The following SIGLEC1 variants were observed in gnomAD, a reference collection of about 807,000 sequenced individuals.
SIGLEC1 encodes sialoadhesin.
SIGLEC1 carries 132 observed loss-of-function variants against 148.0 expected under a neutral mutation model. The ratio of observed to expected loss-of-function variants is 0.89; its 90% CI spans 0.77 to 1.03. The LOEUF is 1.03. Among genes scored for constraint, SIGLEC1 ranks in the 50% least tolerant of loss-of-function variants. The probability of loss-of-function intolerance (pLI) is 0.00; values close to 1 mark genes in which losing one functional copy is unlikely to be tolerated. For missense variants in SIGLEC1, 2,253 were observed against 2,271.4 expected, an observed-to-expected ratio of 0.99 and a Z score of 0.16; for synonymous variants, 945 against 969.0, an observed-to-expected ratio of 0.98 and a Z score of 0.46.
At position 3,693,671 on chromosome 20, in the gene SIGLEC1, GC is replaced by G; in HGVS notation, c.3283del (p.Ala1095LeufsTer9). 1 of 1,599,856 alleles carries G rather than the reference GC, an allele frequency of 6.3e-7. No individual in the cohort carries two copies. The highest frequency in any genetic ancestry group is 8.5e-7 in the Non-Finnish European group (1 of 1,172,642). ...CACCAGCTGCCCCTCCCGCACGGTA[GC>G]CCCGGGCCACACCTGCACATTCACA... ...QAVNVQVWPG[A>X]TVREGQLVNL... On this transcript the variant is annotated frameshift_variant, in exon 14 of 22. Transcript: ENST00000344754. LOFTEE classifies it high-confidence loss of function.
intron 1 of SIGLEC1, among the ~76,000 whole-genome samples, chr20:3,711,449 G>T (rs138770658): frequency 6.6e-6 from 1 of 152,146 alleles, no homozygotes; most frequent in Non-Finnish European, 1.5e-5. Context: ...GGGAAGAAAG[G>T]GCAGAGGCAG....
rs2087819790 is a variant in SIGLEC1, at chr20:3,698,056, G to A, written c.1864C>T (p.Leu622Phe). The change falls in exon 9 of 22, where the codon CTT (leucine) becomes TTT (phenylalanine). Residue 622 changes from leucine to phenylalanine, a missense_variant. Coordinates refer to ENST00000344754, the MANE Select transcript of SIGLEC1 (RefSeq NM_023068.4). ...AGAGAGRRGLLLCRVDSDPPA... is the reference protein window; with the variant it reads ...AGAGAGRRGLFLCRVDSDPPA... ...GGGTCGCTGTCCACACGGCACAAAAGGAGGCCTCGCCGTCCAGCCCCGGCC... is the reference window on the plus strand; with the variant it reads ...GGGTCGCTGTCCACACGGCACAAAAAGAGGCCTCGCCGTCCAGCCCCGGCC... 1.2e-6 allele frequency: 2 copies of A among 1,608,580 alleles called. No individual in the cohort carries two copies. Among genetic ancestry groups the A allele is most frequent in the South Asian group, 1.1e-5 (1 of 90,520 alleles).
chr20:3,695,092 G>A (rs1018726125), intron 11 of SIGLEC1, among the ~76,000 whole-genome samples, 169 bp from the exon 12 acceptor site: 1 of 152,118 alleles, frequency 6.6e-6, no homozygotes, highest in African/African-American at 2.4e-5. Context: ...GGCCCCTCCT[G>A]CTCCCCACTC....
intron 8 of SIGLEC1, among the ~76,000 whole-genome samples, chr20:3,698,511 C>T (rs1006735805): frequency 6.6e-5 from 10 of 152,244 alleles, no homozygotes; most frequent in Admixed American, 2.6e-4. Context: ...CAATGCCTTA[C>T]CACGGAGCCT....
intron 5 of SIGLEC1, 21 bp downstream of exon 5, chr20:3,703,804 G>T (rs765831723): frequency 6.2e-7 from 1 of 1,613,104 alleles, no homozygotes; most frequent in East Asian, 2.2e-5. Context: ...TGGCCAATAC[G>T]CAACCTTCCC....
chr20:3,693,541 G>A lies in SIGLEC1; in HGVS notation c.3414C>T (p.Asn1138=), dbSNP rs370748828. 3.4e-5 allele frequency: 55 copies of A among 1,612,364 alleles called. No individual in the cohort carries two copies. The highest frequency in any genetic ancestry group is 5.5e-5 in the South Asian group (5 of 90,846). The change falls in exon 14 of 22, where the codon AAC becomes AAT. Residue 1138 remains asparagine, a synonymous_variant. Transcript: ENST00000344754. ...RLDAHSIPLP[N]VTVRDATSYR... ...AGGAGGTGGCATCCCTGACTGTGAC[G>A]TTGGGCAGGGGGATGGAGTGGGCAT...
At position 3,694,174 on chromosome 20, in the gene SIGLEC1, GACACAC is replaced by G. The variant is rs59383643; in HGVS notation, c.3256+41_3256+46del. The G allele has an allele frequency of 8.7e-3, 10,103 of 1,162,680 alleles. 127 individuals are homozygous for G. The highest frequency in any genetic ancestry group is 0.083 in the African/African-American group (5,409 of 64,980). The allele number at this position is 1,162,680 out of a possible 1,614,324, so 72.0% of individuals were successfully genotyped here. On this transcript the variant is annotated intron_variant, in intron 13 of 21. Coordinates refer to ENST00000344754, the MANE Select transcript of SIGLEC1 (RefSeq NM_023068.4). ...TCCCACCTCCTCTCCTCTTTTAAAG[GACACAC>G]ACACACACACACACACACACACACA...
intron 13 of SIGLEC1, among the ~76,000 whole-genome samples, 198 bp downstream of exon 13, chr20:3,694,023 T>C (rs1468743915): frequency 5.3e-5 from 8 of 152,180 alleles, no homozygotes; most frequent in Non-Finnish European, 1.2e-4. Context: ...TTTTATCCAC[T>C]GGGCATACTT....
At chr20:3,694,109 A>G in intron 13 of SIGLEC1, 112 bp downstream of exon 13, 1 of 1,162,332 alleles carries the variant, frequency 8.6e-7, no homozygotes, top group Non-Finnish European at 1.2e-6. Flanking sequence ...AAGGGTGGGA[A>G]TGGGGACTAT....
In SIGLEC1 at chr20:3,690,212, GAGGCCACCCTC is replaced by G; in HGVS notation, c.4633_4643del (p.Glu1545ProfsTer124). 6.4e-7 allele frequency: 1 copy of G among 1,556,664 alleles called. No homozygotes were observed. The highest frequency in any genetic ancestry group is 1.2e-5 in the South Asian group (1 of 84,536). On this transcript the variant is annotated frameshift_variant, in exon 19 of 22. Transcript: ENST00000344754. LOFTEE classifies it high-confidence loss of function. The stretch of plus-strand genomic sequence containing the variant: ...CCACTCGGCAATCCAGGATGCCCCG[GAGGCCACCCTC>G]AGGCTCCACGAAGACCATCATGGTG...
rs1244882764 is a variant in SIGLEC1, at chr20:3,712,494, C to T, written c.-134G>A. On this transcript the variant is annotated 5_prime_UTR_variant, in exon 1 of 22. Coordinates refer to ENST00000344754, the MANE Select transcript of SIGLEC1 (RefSeq NM_023068.4). The stretch of plus-strand genomic sequence containing the variant: ...CCTGCTCCACAGAAGGAAGTGGCTG[C>T]GGCGGTGCTGGACCTGCGGAGAGGA... Among the ~76,000 whole-genome samples, 1 of 151,954 alleles carries T rather than the reference C, an allele frequency of 6.6e-6. No individual in the cohort carries two copies. Among genetic ancestry groups the T allele is most frequent in the African/African-American group, 2.4e-5 (1 of 41,476 alleles).
Position 3,694,526 on chromosome 20 carries a change from GGGGCATCTACACA to G in SIGLEC1, c.2945-7_2950del. 6.4e-7 allele frequency: 1 copy of G among 1,557,914 alleles called. No homozygotes were observed. Among genetic ancestry groups the G allele is most frequent in the Non-Finnish European group, 8.7e-7 (1 of 1,149,030 alleles). ...CAGGGTAGTGAGTGTGACGTGGCGTGGGGCATCTACACAGGGTGGGGAGTGGTCAGGACCCAGC... is the reference window on the plus strand; with the variant it reads ...CAGGGTAGTGAGTGTGACGTGGCGTGGGGTGGGGAGTGGTCAGGACCCAGC... On this transcript the variant is annotated splice_acceptor_variant and splice_polypyrimidine_tract_variant and coding_sequence_variant and intron_variant, in exon 13 of 22. Coordinates refer to ENST00000344754, the MANE Select transcript of SIGLEC1 (RefSeq NM_023068.4). LOFTEE classifies it high-confidence loss of function.
intron 11 of SIGLEC1, among the ~76,000 whole-genome samples, chr20:3,696,129 T>TATATACACACACACACACACAC (rs11087599): frequency 3.5e-5 from 5 of 142,516 alleles, no homozygotes; most frequent in African/African-American, 1.4e-4. Flanking sequence ...ACTATATATA[T>TATATACACACACACACACACAC]ACACACACAC....
chr20:3,695,919 C>T (rs577454364), intron 11 of SIGLEC1, among the ~76,000 whole-genome samples: 2 of 151,898 alleles, frequency 1.3e-5, no homozygotes, highest in African/African-American at 4.8e-5. Context: ...TCAAACGATT[C>T]GCCTGCCTTA....
chr20:3,688,789 A>C, intron 21 of SIGLEC1, 170 bp from the exon 22 acceptor site: 2 of 611,616 alleles, frequency 3.3e-6, no homozygotes, highest in Non-Finnish European at 5.8e-6. Flanking sequence ...GGGACACACC[A>C]CAGGGGAGGA....
chr20:3,695,598 G>A (rs145221514), intron 11 of SIGLEC1, among the ~76,000 whole-genome samples: 65 of 152,308 alleles, frequency 4.3e-4, no homozygotes, highest in African/African-American at 1.4e-3. Flanking sequence ...ACAGCTAGCA[G>A]GGTCATGCAA....
In SIGLEC1 at chr20:3,697,924, T is replaced by C. The variant is rs1167497835; in HGVS notation, c.1996A>G (p.Thr666Ala). 1 of 1,613,020 alleles carries C rather than the reference T, an allele frequency of 6.2e-7. No homozygotes were observed. The highest frequency in any genetic ancestry group is 1.7e-5 in the Admixed American group (1 of 60,008). The change falls in exon 9 of 22, where the codon ACC (threonine) becomes GCC (alanine). Residue 666 changes from threonine (T) to alanine (A), a missense_variant. Thr to Ala is a moderately conservative substitution (Grantham distance 58). Coordinates refer to ENST00000344754, the MANE Select transcript of SIGLEC1 (RefSeq NM_023068.4). ...CGGCSPRMKVTKAPNLLRVEI... is the reference protein window; with the variant it reads ...CGGCSPRMKVAKAPNLLRVEI... Reference sequence around the variant, plus strand: ...ACACGCAGCAAGTTGGGGGCTTTGGTGACCTTCATGCGTGGGGAACAGCCC... The same window carrying C: ...ACACGCAGCAAGTTGGGGGCTTTGGCGACCTTCATGCGTGGGGAACAGCCC...
chr20:3,689,606 G>T lies in SIGLEC1; in HGVS notation c.4991C>A (p.Thr1664Asn). The change falls in exon 20 of 22, where the codon ACC (threonine) becomes AAC (asparagine). Residue 1664 changes from threonine to asparagine, a missense_variant. Coordinates refer to ENST00000344754, the MANE Select transcript of SIGLEC1 (RefSeq NM_023068.4). ...LLLLGLGACY[T>N]WRRRRVCKQS... ...CTCCCAGCTCCAGACCCACCTCCAG[G>T]TGTAGCAGGCCCCCAGGCCCAACAG... 6.3e-7 allele frequency: 1 copy of T among 1,575,732 alleles called. No individual in the cohort carries two copies. Among genetic ancestry groups the T allele is most frequent in the South Asian group, 1.2e-5 (1 of 86,038 alleles).
Position 3,703,376 on chromosome 20 carries a change from T to C in SIGLEC1, c.1049A>G (p.Asn350Ser), listed in dbSNP as rs151052399. 2.0e-4 allele frequency: 329 copies of C among 1,611,934 alleles called. No homozygotes were observed. The highest frequency in any genetic ancestry group is 8.2e-4 in the East Asian group (37 of 44,882). The part of the protein sequence containing the change: ...QTVTLVCNTP[N>S]EAPSDLRYSW... The stretch of plus-strand genomic sequence containing the variant: ...GTAGCGGAGATCACTGGGTGCCTCA[T>C]TGGGTGTGTTGCAGACTAGTGTCAC... Residue 350 changes from asparagine to serine, a missense_variant, in exon 6 of 22, where the codon AAT (asparagine) becomes AGT (serine). Asn to Ser is a conservative substitution (Grantham distance 46). Coordinates refer to ENST00000344754, the MANE Select transcript of SIGLEC1 (RefSeq NM_023068.4).
Sources: allele counts gnomAD v4.1 joint callset (sites outside exome capture counted in the v4.1 genomes callset), GRCh38; gene constraint gnomAD v4.1.1; transcripts MANE v1.5; gene names NCBI Gene and HGNC (gene_info 2026-07-23, HGNC 2026-07-21).